The following TMEM161B variants were observed in gnomAD, a reference collection of about 807,000 sequenced individuals.
TMEM161B encodes the protein transmembrane protein 161B.
Under a neutral mutation model 61.8 loss-of-function variants are expected in TMEM161B, and 34 were observed. The ratio of observed to expected loss-of-function variants is 0.55; its 90% CI spans 0.42 to 0.73. The LOEUF is 0.73. Among genes scored for constraint, TMEM161B ranks in the 30% least tolerant of loss-of-function variants. TMEM161B has a pLI of 0.00. For synonymous variants in TMEM161B, 167 were observed against 192.8 expected, an observed-to-expected ratio of 0.87 and a Z score of 1.11; for missense variants, 456 against 558.5, an observed-to-expected ratio of 0.82 and a Z score of 1.85.
At chr5:88,218,196 G>A (rs1006892550) in intron 5 of TMEM161B, among the ~76,000 whole-genome samples, 3 of 152,046 alleles carry the variant, frequency 2.0e-5, no homozygotes, top group Admixed American at 6.6e-5. Flanking sequence ...TGAGGAGATC[G>A]AATATCTGAA....
In TMEM161B at chr5:88,224,959, G is replaced by GTTTT. The variant is rs202011902; in HGVS notation, c.289+806_289+809dup. Among the ~76,000 whole-genome samples the GTTTT allele has an allele frequency of 3.6e-3, 362 of 101,194 alleles. 45 individuals carry two copies. Among genetic ancestry groups the GTTTT allele is most frequent in the East Asian group, 0.017 (52 of 2,972 alleles). The allele number at this position is 101,194 out of a possible 152,430, so 66.4% of individuals were successfully genotyped here. Reference sequence around the variant, plus strand: ...ATAATACACATAACACACAAAATATGTTTTTGTTTTTTTTTTTTTTTTTTT... The same window carrying GTTTT: ...ATAATACACATAACACACAAAATATGTTTTTTTTTGTTTTTTTTTTTTTTTTTTT... On this transcript the variant is annotated intron_variant, in intron 4 of 11. Transcript: ENST00000296595.
At chr5:88,239,765 T>A (rs1752426127) in intron 2 of TMEM161B, among the ~76,000 whole-genome samples, 1 of 152,038 alleles carries the variant, frequency 6.6e-6, no homozygotes, top group East Asian at 1.9e-4. Context: ...TAATTTAAAA[T>A]AGAAAATAAA....
intron 4 of TMEM161B, among the ~76,000 whole-genome samples, chr5:88,225,288 T>A (rs931182507): frequency 3.9e-5 from 6 of 152,180 alleles, no homozygotes; most frequent in Admixed American, 2.0e-4. Context: ...TGATTTTTTA[T>A]GTTATTGGTA....
chr5:88,241,469 A>C (rs1166613564), intron 1 of TMEM161B, among the ~76,000 whole-genome samples: 2 of 151,892 alleles, frequency 1.3e-5, no homozygotes, highest in African/African-American at 4.8e-5. Flanking sequence ...AGGATATCAA[A>C]ATGAAGTGGA....
At chr5:88,190,267 G>T, downstream of TMEM161B, 1 of 700,604 alleles carries the variant, frequency 1.4e-6, no homozygotes, top group Non-Finnish European at 2.6e-6. Flanking sequence ...TTATGCTGTC[G>T]GCAGGTAACA....
downstream of TMEM161B, among the ~76,000 whole-genome samples, chr5:88,191,300 G>C (rs1176138273): frequency 6.6e-6 from 1 of 151,990 alleles, no homozygotes; most frequent in East Asian, 1.9e-4. Context: ...CCCCCAACAG[G>C]GACACCAGCT....
intron 1 of TMEM161B, among the ~76,000 whole-genome samples, chr5:88,260,609 G>T (rs151002749): frequency 6.6e-6 from 1 of 152,014 alleles, no homozygotes; most frequent in African/African-American, 2.4e-5. Context: ...TTGCCAGCAC[G>T]CCTCACTAAT....
At chr5:88,197,859 G>T in intron 10 of TMEM161B, 94 bp from the exon 11 acceptor site, 1 of 987,304 alleles carries the variant, frequency 1.0e-6, no homozygotes, top group Non-Finnish European at 1.5e-6. Context: ...ATACTTAAGA[G>T]ATAATCCTTT....
intron 1 of TMEM161B, among the ~76,000 whole-genome samples, chr5:88,263,319 C>A (rs1264453038): frequency 6.6e-6 from 1 of 152,094 alleles, no homozygotes; most frequent in Non-Finnish European, 1.5e-5. Context: ...AGATCATCAG[C>A]CTCTCCCAAT....
intron 9 of TMEM161B, 198 bp from the exon 10 acceptor site, chr5:88,199,348 G>A (rs1750289503): frequency 4.6e-6 from 2 of 434,614 alleles, no homozygotes; most frequent in Non-Finnish European, 7.9e-6. Flanking sequence ...AATGTATCAT[G>A]AAAGCGTAAG....
chr5:88,198,296 A>C (rs1750053017), intron 10 of TMEM161B: 1 of 152,058 alleles, frequency 6.6e-6, no homozygotes, highest in African/African-American at 2.4e-5. Context: ...ATGGAGGTGA[A>C]TCAAAAACTG....
intron 1 of TMEM161B, among the ~76,000 whole-genome samples, chr5:88,255,351 T>C (rs955189276): frequency 2.6e-5 from 4 of 152,126 alleles, no homozygotes; most frequent in South Asian, 2.1e-4. Context: ...TTTTCTAACA[T>C]ACCTGCAGCG....
At chr5:88,225,230 G>C (rs775004284) in intron 4 of TMEM161B, among the ~76,000 whole-genome samples, 9 of 152,140 alleles carry the variant, frequency 5.9e-5, no homozygotes, top group Non-Finnish European at 8.8e-5. Flanking sequence ...GCCTCCCAAA[G>C]TGCTGGGATT....
intron 2 of TMEM161B, among the ~76,000 whole-genome samples, chr5:88,237,625 T>C (rs1056592536): frequency 1.3e-5 from 2 of 151,856 alleles, no homozygotes; most frequent in African/African-American, 4.8e-5. Context: ...AATGAACAGA[T>C]CTAAATGAAA....
At chr5:88,226,804 A>T (rs969963496) in intron 3 of TMEM161B, among the ~76,000 whole-genome samples, 3 of 152,212 alleles carry the variant, frequency 2.0e-5, no homozygotes, top group Non-Finnish European at 4.4e-5. Flanking sequence ...GAACAGAATT[A>T]TTCATTACAA....
chr5:88,262,884 A>T (rs150418393), intron 1 of TMEM161B, among the ~76,000 whole-genome samples: 11 of 152,284 alleles, frequency 7.2e-5, no homozygotes, highest in African/African-American at 9.6e-5. Context: ...GATTTCTGTG[A>T]ACCTAAAACT....
chr5:88,211,416 G>A (rs74700910), intron 5 of TMEM161B, among the ~76,000 whole-genome samples: 3 of 147,646 alleles, frequency 2.0e-5, no homozygotes, highest in Non-Finnish European at 1.5e-5. Flanking sequence ...GGAAAAATAA[G>A]AAAAAAAAAA....
chr5:88,251,825 T>C (rs560192029), intron 1 of TMEM161B, among the ~76,000 whole-genome samples: 4 of 152,252 alleles, frequency 2.6e-5, no homozygotes, highest in South Asian at 4.1e-4. Context: ...CTAATATACA[T>C]CCAGTATCTT....
intron 1 of TMEM161B, among the ~76,000 whole-genome samples, chr5:88,264,541 T>C (rs1756107205): frequency 1.3e-5 from 2 of 152,194 alleles, no homozygotes; most frequent in Admixed American, 6.5e-5. Context: ...CTCAAGGATC[T>C]AGAACCAGAA....
Sources: allele counts gnomAD v4.1 joint callset (sites outside exome capture counted in the v4.1 genomes callset), GRCh38; gene constraint gnomAD v4.1.1; transcripts MANE v1.5; gene names NCBI Gene and HGNC (gene_info 2026-07-23, HGNC 2026-07-21).